STK36: variants seen among roughly 807,000 people sequenced by gnomAD.
STK36 encodes the protein serine/threonine-protein kinase 36.
A neutral mutation model predicts 142.2 loss-of-function variants in STK36; 116 were observed. The ratio of observed to expected loss-of-function variants is 0.82; its 90% CI spans 0.70 to 0.95. The LOEUF is 0.95. STK36 is among the 40% of genes least tolerant of loss of function. STK36 has a pLI of 0.00. For synonymous variants in STK36, 619 were observed against 641.7 expected (o/e 0.96, Z 0.53); for missense variants, 1,422 against 1,617.2 (o/e 0.88, Z 2.07).
At chr2:218,672,313 A>T (rs1940016156) in intron 1 of STK36, 98 bp downstream of exon 1, 1 of 391,960 alleles carries the variant, frequency 2.6e-6, no homozygotes, top group Non-Finnish European at 4.7e-6. Flanking sequence ...ATGGGGCTAA[A>T]CGCCAGGGAA....
chr2:218,680,153 C>T, intron 9 of STK36, 73 bp downstream of exon 9: 3 of 1,447,724 alleles, frequency 2.1e-6, no homozygotes, highest in Non-Finnish European at 1.9e-6. Context: ...AAAGCAAATA[C>T]AGAATGGTCC....
chr2:218,689,803 A>G lies in STK36; in HGVS notation c.1561-56A>G, dbSNP rs990528206. The G allele has an allele frequency of 2.7e-6, 4 of 1,508,408 alleles. No individual in the cohort carries two copies. In the African/African-American group the frequency reaches 5.5e-5, roughly 21 times the overall value. 93.4% of individuals were successfully genotyped at this position (1,508,408 alleles called of 1,614,324 possible). On this transcript the variant is annotated intron_variant, in intron 12 of 26. Coordinates refer to ENST00000295709, the MANE Select transcript of STK36 (RefSeq NM_015690.5). ...ATACACCCTTTCTACTGTTTTTTCT[A>G]TTCTTTGTTTCCATCCTTCACATTG...
chr2:218,698,512 C>T, intron 25 of STK36, 90 bp from the exon 26 acceptor site: 2 of 1,495,286 alleles, frequency 1.3e-6, no homozygotes, highest in Admixed American at 4.0e-5. Context: ...CTCACCATAG[C>T]TTGGCTTTTC....
chr2:218,693,918 G>A lies in STK36; in HGVS notation c.2271G>A (p.Glu757=). 3 of 1,614,262 alleles carry A rather than the reference G, an allele frequency of 1.9e-6. No homozygotes were observed. The highest frequency in any genetic ancestry group is 1.7e-5 in the Admixed American group (1 of 60,032). ...QGKVKVVDWE[E]STEVTLYFLS... ...AGGTAAAAGTAGTAGATTGGGAAGA[G>A]TCTACTGAAGTGACACTCTACTTCC... The change falls in exon 19 of 27, where the codon GAG becomes GAA. Residue 757 remains glutamate, a synonymous_variant. Coordinates refer to ENST00000295709, the MANE Select transcript of STK36 (RefSeq NM_015690.5).
At chr2:218,674,790 G>A (rs1940158785) in intron 4 of STK36, among the ~76,000 whole-genome samples, 2 of 152,120 alleles carry the variant, frequency 1.3e-5, no homozygotes, top group African/African-American at 4.8e-5. Flanking sequence ...AGTAGAGATG[G>A]GGTTTCACCA....
intron 4 of STK36, among the ~76,000 whole-genome samples, chr2:218,674,784 G>C (rs1007422991): frequency 6.6e-6 from 1 of 152,034 alleles, no homozygotes; most frequent in Non-Finnish European, 1.5e-5. Context: ...ACTTTTAGTA[G>C]AGATGGGGTT....
chr2:218,679,103 T>C, intron 6 of STK36, 65 bp from the exon 7 acceptor site: 3 of 1,484,106 alleles, frequency 2.0e-6, no homozygotes, highest in Non-Finnish European at 2.8e-6. Flanking sequence ...TTGCTAGTTC[T>C]GCTGATAGAG....
At chr2:218,675,179 G>A (rs1940177200) in intron 4 of STK36, among the ~76,000 whole-genome samples, 164 bp from the exon 5 acceptor site, 1 of 152,162 alleles carries the variant, frequency 6.6e-6, no homozygotes. Context: ...AAATGAAAGA[G>A]TGATTAAACA....
intron 2 of STK36, 80 bp downstream of exon 2, chr2:218,672,993 A>G: frequency 7.8e-7 from 1 of 1,285,732 alleles, no homozygotes; most frequent in Non-Finnish European, 1.1e-6. Flanking sequence ...GAAGGAATGT[A>G]TTTATACCAG....
At chr2:218,675,299 G>A (rs760499576) in intron 4 of STK36, 44 bp from the exon 5 acceptor site, 4 of 1,584,180 alleles carry the variant, frequency 2.5e-6, no homozygotes, top group South Asian at 2.3e-5. Flanking sequence ...GCCAGCTGCT[G>A]TTTCTAACCT....
intron 6 of STK36, 78 bp from the exon 7 acceptor site, chr2:218,679,090 G>T (rs916797098): frequency 1.5e-6 from 2 of 1,372,942 alleles, no homozygotes; most frequent in African/African-American, 1.4e-5. Flanking sequence ...TGGGATTCTT[G>T]GTTTGCTAGT....
Position 218,684,962 on chromosome 2 carries a change from G to T in STK36, c.1237-123G>T, listed in dbSNP as rs115970111. 1.2e-3 allele frequency: 1,450 copies of T among 1,251,696 alleles called. 19 individuals carry two copies. In the African/African-American group the frequency reaches 0.02, roughly 17 times the overall value. 77.5% of individuals were successfully genotyped at this position (1,251,696 alleles called of 1,614,324 possible). Reference sequence around the variant, plus strand: ...AGCAGGTGACTGAAGATATACATCTGTGCTAAAGGGGTCACTGGCTCCTTG... The same window carrying T: ...AGCAGGTGACTGAAGATATACATCTTTGCTAAAGGGGTCACTGGCTCCTTG... On this transcript the variant is annotated intron_variant, in intron 10 of 26. Coordinates refer to ENST00000295709, the MANE Select transcript of STK36 (RefSeq NM_015690.5).
Position 218,694,116 on chromosome 2 carries a change from A to T in STK36, c.2336+133A>T. 1 of 1,190,112 alleles carries T rather than the reference A, an allele frequency of 8.4e-7. No individual in the cohort carries two copies. The highest frequency in any genetic ancestry group is 1.2e-6 in the Non-Finnish European group (1 of 805,332). 73.7% of individuals were successfully genotyped at this position (1,190,112 alleles called of 1,614,324 possible). On this transcript the variant is annotated intron_variant, in intron 19 of 26. Coordinates refer to ENST00000295709, the MANE Select transcript of STK36 (RefSeq NM_015690.5). The surrounding 1 kb of genome is among the most constrained non-coding windows in gnomAD (Gnocchi z 4.4). Reference sequence around the variant, plus strand: ...GGATAGAGAGCGTGAAGCTTTCTCTACAAAGAACAGACCTAGACTCCCATC... The same window carrying T: ...GGATAGAGAGCGTGAAGCTTTCTCTTCAAAGAACAGACCTAGACTCCCATC...
intron 26 of STK36, 126 bp downstream of exon 26, chr2:218,699,474 G>C (rs778293055): frequency 3.6e-4 from 503 of 1,397,052 alleles, no homozygotes; most frequent in Non-Finnish European, 4.4e-4. Flanking sequence ...TTCTCCCAGG[G>C]ACAGTGTCTT....
In STK36 at chr2:218,694,241, CT is replaced by C; in HGVS notation, c.2337-21del. 6.2e-7 allele frequency: 1 copy of C among 1,605,080 alleles called. No homozygotes were observed. Among genetic ancestry groups the C allele is most frequent in the Non-Finnish European group, 8.5e-7 (1 of 1,171,788 alleles). ...AACCTCCTTTAATACTGCTGCATCC[CT>C]TGATGTATCTCTTTATTCCAGAATG... On this transcript the variant is annotated intron_variant, in intron 19 of 26. Transcript: ENST00000295709. This position sits in a 1 kb window ranked among gnomAD's most constrained non-coding sequence, Gnocchi z 4.4.
Position 218,689,893 on chromosome 2 carries a change from TG to T in STK36, c.1597del (p.Ala533LeufsTer2), listed in dbSNP as rs754556514. The part of the protein sequence containing the change: ...SWYGTFLQDL[M>X]AVIQAYFACT... ...TATGGGACCTTCTTACAGGACCTGA[TG>T]GCTGTGATTCAGGCCTACTTTGCCT... On this transcript the variant is annotated frameshift_variant, in exon 13 of 27. Transcript: ENST00000295709. LOFTEE classifies it high-confidence loss of function. The T allele has an allele frequency of 1.2e-6, 2 of 1,609,742 alleles. No homozygotes were observed. The highest frequency in any genetic ancestry group is 1.7e-6 in the Non-Finnish European group (2 of 1,177,942).
Position 218,697,083 on chromosome 2 carries a change from G to A in STK36, c.2631G>A (p.Met877Ile). The change falls in exon 23 of 27, where the codon ATG (methionine) becomes ATA (isoleucine). Residue 877 changes from methionine (M) to isoleucine (I), a missense_variant. This residue lies in a region of STK36 where 962 missense variants were observed against 1,167.5 expected (regional missense o/e 0.82). Coordinates refer to ENST00000295709, the MANE Select transcript of STK36 (RefSeq NM_015690.5). ...TCAGGGATATGTCCAGTTCAGAAAT[G>A]TGGACCGTTTTGTGGCACCGCTTCT... is the stretch of plus-strand genomic sequence containing the variant. ...SLIRDMSSSEMWTVLWHRFSM... is the reference protein window; with the variant it reads ...SLIRDMSSSEIWTVLWHRFSM... 6.2e-7 allele frequency: 1 copy of A among 1,614,180 alleles called. No homozygotes were observed.
At chr2:218,698,161 A>T (rs565144790) in intron 25 of STK36, among the ~76,000 whole-genome samples, 160 bp downstream of exon 25, 1 of 152,272 alleles carries the variant, frequency 6.6e-6, no homozygotes, top group African/African-American at 2.4e-5. Context: ...AGACCTGCGC[A>T]TGTGGTGGAG....
intron 4 of STK36, among the ~76,000 whole-genome samples, chr2:218,674,406 C>G (rs532953510): frequency 6.6e-6 from 1 of 152,166 alleles, no homozygotes; most frequent in South Asian, 2.1e-4. Flanking sequence ...TGTGGGGAGT[C>G]AGGATTTGGC....
Sources: gnomAD v4.1 joint callset for allele counts (sites outside exome capture counted in the v4.1 genomes callset) on GRCh38, gnomAD v4.1.1 for gene constraint, gnomAD v4.1.1 regional missense constraint, Gnocchi (gnomAD v3.1) non-coding constraint, MANE v1.5 for transcripts, NCBI Gene and HGNC (gene_info 2026-07-23, HGNC 2026-07-21) for gene names.